Variants in NEMF observed in about 807,000 individuals in gnomAD.
The protein encoded by NEMF is nuclear export mediator factor.
A neutral mutation model predicts 162.2 loss-of-function variants in NEMF; 89 were observed. That is an observed-to-expected ratio of 0.55 (90% CI 0.46 to 0.65). The LOEUF (loss-of-function observed/expected upper bound fraction) is 0.65. Among genes scored for constraint, NEMF ranks in the 30% least tolerant of loss-of-function variants. The probability of loss-of-function intolerance (pLI) is 0.00; values close to 1 mark genes in which losing one functional copy is unlikely to be tolerated. For missense variants in NEMF, 1,133 were observed against 1,261.9 expected (o/e 0.90, Z 1.55); for synonymous variants, 421 against 404.5 (o/e 1.04, Z -0.49).
In NEMF at chr14:49,820,890, G is replaced by C. The variant is rs1352436294; in HGVS notation, c.1577+4977C>G. Among the ~76,000 whole-genome samples, 4 of 152,100 alleles carry C rather than the reference G, an allele frequency of 2.6e-5. 1 individual carries two copies. The East Asian group carries it at 7.8e-4, about 29-fold the overall frequency. On this transcript the variant is annotated intron_variant, in intron 16 of 32. Coordinates refer to ENST00000298310, the MANE Select transcript of NEMF (RefSeq NM_004713.6). ...CAGCCTCGGCATCCCAAGGTGCCGGGATTGCAGACGGAGTCTCGTTAACTC... is the reference window on the plus strand; with the variant it reads ...CAGCCTCGGCATCCCAAGGTGCCGGCATTGCAGACGGAGTCTCGTTAACTC...
rs79571267 is a variant in NEMF, at chr14:49,813,639, T to C, written c.1744+349A>G. The stretch of plus-strand genomic sequence containing the variant: ...ATCTTCTTGATAAGACTGATCCTTT[T>C]ATCATTACATCTTTTTTTATTAGGT... On this transcript the variant is annotated intron_variant, in intron 18 of 32. Coordinates refer to ENST00000298310, the MANE Select transcript of NEMF (RefSeq NM_004713.6). 7.7e-3 allele frequency among the ~76,000 whole-genome samples: 1,150 copies of C among 149,454 alleles called. 20 individuals are homozygous for C. Among genetic ancestry groups the C allele is most frequent in the African/African-American group, 0.027 (1,096 of 40,528 alleles).
In NEMF at chr14:49,844,764, C is replaced by CACACAT. The variant is rs144835038; in HGVS notation, c.357+1375_357+1376insATGTGT. 41 of 329,348 alleles carry CACACAT rather than the reference C, an allele frequency of 1.2e-4. 3 individuals carry two copies. Among genetic ancestry groups the CACACAT allele is most frequent in the African/African-American group, 4.8e-4 (19 of 39,904 alleles). 20.4% of individuals were successfully genotyped at this position (329,348 alleles called of 1,614,324 possible). ...ACACACACACACACACACACACACA[C>CACACAT]ATATATTTTTTTTTTCCTTTTTGAG... On this transcript the variant is annotated intron_variant, in intron 4 of 32. Coordinates refer to ENST00000298310, the MANE Select transcript of NEMF (RefSeq NM_004713.6).
intron 5 of NEMF, among the ~76,000 whole-genome samples, chr14:49,840,143 G>T (rs565830492): frequency 6.6e-6 from 1 of 151,870 alleles, no homozygotes; most frequent in African/African-American, 2.4e-5. Flanking sequence ...CCTCAGGGAA[G>T]GGGGAGTGAG....
At chr14:49,786,888 T>C (rs1317598593) in intron 28 of NEMF, 138 bp from the exon 29 acceptor site, 4 of 700,824 alleles carry the variant, frequency 5.7e-6, no homozygotes, top group Admixed American at 5.4e-5. Context: ...GCCTCAAGGT[T>C]ATATTCTTCC....
intron 22 of NEMF, chr14:49,801,378 C>G (rs1053053140): frequency 6.6e-6 from 1 of 151,998 alleles, no homozygotes; most frequent in Admixed American, 6.6e-5. Context: ...ATCCTAGCTA[C>G]TCGGGAGGCT....
chr14:49,814,777 A>G lies in NEMF; in HGVS notation c.1658T>C (p.Ile553Thr). The G allele has an allele frequency of 6.3e-7, 1 of 1,586,176 alleles. No individual in the cohort carries two copies. Residue 553 changes from isoleucine to threonine, a missense_variant, in exon 17 of 33, where the codon ATT (isoleucine) becomes ACT (threonine). Transcript: ENST00000298310. The stretch of plus-strand genomic sequence containing the variant: ...ACCTGGTGTCAAGTATCTTTTCACA[A>G]TTATTTCATTCTGTTGCTGATCTCG... The part of the protein sequence containing the change: ...GGRDQQQNEI[I>T]VKRYLTPGDI...
Position 49,800,600 on chromosome 14 carries a change from A to G in NEMF, c.2192T>C (p.Leu731Pro). 3 of 1,613,986 alleles carry G rather than the reference A, an allele frequency of 1.9e-6. No individual in the cohort carries two copies. The highest frequency in any genetic ancestry group is 1.7e-6 in the Non-Finnish European group (2 of 1,179,978). ...MTQVDQEDIT[L>P]QSGRDELNEE... Reference sequence around the variant, plus strand: ...ATTTAGTTCATCTCTGCCACTCTGAAGAGTGATATCCTCTTGGTCAACCTG... The same window carrying G: ...ATTTAGTTCATCTCTGCCACTCTGAGGAGTGATATCCTCTTGGTCAACCTG... The change falls in exon 23 of 33, where the codon CTT becomes CCT. Residue 731 changes from leucine (L) to proline (P), a missense_variant. By Grantham distance (98) the Leu-to-Pro change is moderately conservative. This residue lies in a region of NEMF where 532 missense variants were observed against 578.6 expected (regional missense o/e 0.92). Coordinates refer to ENST00000298310, the MANE Select transcript of NEMF (RefSeq NM_004713.6).
At chr14:49,838,337 T>C in intron 5 of NEMF, 131 bp from the exon 6 acceptor site, 1 of 692,268 alleles carries the variant, frequency 1.4e-6, no homozygotes, top group Non-Finnish European at 2.5e-6. Flanking sequence ...CAGGAATTCA[T>C]TCTTCTGTTG....
chr14:49,831,497 G>A, intron 10 of NEMF, 136 bp from the exon 11 acceptor site: 1 of 607,020 alleles, frequency 1.6e-6, no homozygotes, highest in Non-Finnish European at 2.9e-6. Context: ...GACTGCAGTG[G>A]CGCGATCTAG....
intron 3 of NEMF, among the ~76,000 whole-genome samples, chr14:49,850,166 G>A (rs1245738358): frequency 1.3e-5 from 2 of 152,022 alleles, no homozygotes; most frequent in African/African-American, 4.8e-5. Flanking sequence ...GAAACAGTGC[G>A]AACTCAGCTG....
At chr14:49,834,866 T>C (rs1566698753) in intron 6 of NEMF, among the ~76,000 whole-genome samples, 1 of 152,198 alleles carries the variant, frequency 6.6e-6, no homozygotes, top group Non-Finnish European at 1.5e-5. Flanking sequence ...GTGAAAACAA[T>C]AAGTTTACTT....
chr14:49,848,190 A>C (rs558110121), intron 3 of NEMF, among the ~76,000 whole-genome samples: 1 of 152,136 alleles, frequency 6.6e-6, no homozygotes, highest in African/African-American at 2.4e-5. Flanking sequence ...CTTTACTAAT[A>C]TAACCCAAAG....
intron 25 of NEMF, among the ~76,000 whole-genome samples, chr14:49,796,965 T>A (rs1890720073): frequency 6.6e-6 from 1 of 152,210 alleles, no homozygotes; most frequent in Non-Finnish European, 1.5e-5. Context: ...ATACTTCTGA[T>A]GTTATTTCCC....
At chr14:49,832,163 T>C (rs752097462) in intron 9 of NEMF, 37 bp from the exon 10 acceptor site, 1 of 1,596,138 alleles carries the variant, frequency 6.3e-7, no homozygotes, top group African/African-American at 1.3e-5. Context: ...TTCGAGAACA[T>C]TAACAAACAT....
chr14:49,846,599 G>A (rs553405154), intron 3 of NEMF, among the ~76,000 whole-genome samples: 1 of 152,124 alleles, frequency 6.6e-6, no homozygotes, highest in South Asian at 2.1e-4. Flanking sequence ...CTGAGGATTG[G>A]GACCACAGGC....
intron 25 of NEMF, among the ~76,000 whole-genome samples, chr14:49,796,782 A>G (rs1304111828): frequency 1.3e-5 from 2 of 152,198 alleles, no homozygotes; most frequent in African/African-American, 2.4e-5. Context: ...TTCTCCAATC[A>G]TATTATCTAC....
chr14:49,818,906 A>C (rs1035919728), intron 16 of NEMF, among the ~76,000 whole-genome samples: 3 of 152,176 alleles, frequency 2.0e-5, no homozygotes, highest in Admixed American at 2.0e-4. Context: ...AAAATGGCCA[A>C]CACAGATCAT....
At chr14:49,795,273 G>A (rs1313565493) in intron 26 of NEMF, among the ~76,000 whole-genome samples, 1 of 149,756 alleles carries the variant, frequency 6.7e-6, no homozygotes, top group Non-Finnish European at 1.5e-5. Context: ...AGGAGTTAAG[G>A]CTAGTGCAGT....
chr14:49,842,105 CA>C (rs796324630), intron 4 of NEMF, among the ~76,000 whole-genome samples: 6 of 123,454 alleles, frequency 4.9e-5, no homozygotes, highest in Non-Finnish European at 5.1e-5. Flanking sequence ...AACTCCGTCT[CA>C]AAAAAAAAAG....
Sources: allele counts gnomAD v4.1 joint callset (sites outside exome capture counted in the v4.1 genomes callset), GRCh38; gene constraint gnomAD v4.1.1; regional missense constraint gnomAD v4.1.1; transcripts MANE v1.5; gene names NCBI Gene and HGNC (gene_info 2026-07-23, HGNC 2026-07-21).